The following TRPM5 variants were observed in gnomAD, a reference collection of about 807,000 sequenced individuals.
The protein encoded by TRPM5 is transient receptor potential cation channel subfamily M member 5, also known as MLSN1 and TRP-related.
In TRPM5, 121 loss-of-function variants were observed where a neutral mutation model predicts 124.9. The observed-to-expected ratio is 0.97, with a 90% confidence interval of 0.84 to 1.13. The LOEUF (loss-of-function observed/expected upper bound fraction) is 1.13, where lower values mean the gene tolerates loss of function less well. Ranked by LOEUF, TRPM5 falls within the 50% of genes most tolerant of loss-of-function variation. The pLI is 0.00. For synonymous variants in TRPM5, 781 were observed against 700.5 expected (o/e 1.11, Z -1.81); for missense variants, 1,643 against 1,589.1 (o/e 1.03, Z -0.58).
intron 18 of TRPM5, 38 bp from the exon 24 acceptor site, chr11:2,407,950 C>T: frequency 6.2e-7 from 1 of 1,605,306 alleles, no homozygotes; most frequent in South Asian, 1.1e-5. Context: ...AGACCGGGGG[C>T]AGCCACAAGG....
exon 15 of TRPM5, chr11:2,412,886 C>A: frequency 1.3e-6 from 2 of 1,597,502 alleles, no homozygotes; most frequent in Non-Finnish European, 1.7e-6. Context: ...AGGCGAAGTA[C>A]ATGACCACGT....
At chr11:2,408,970 A>G (rs1850384713) in intron 18 of TRPM5, among the ~76,000 whole-genome samples, 1 of 152,112 alleles carries the variant, frequency 6.6e-6, no homozygotes, top group Admixed American at 6.5e-5. Flanking sequence ...ATTCAAGTGT[A>G]TCTTAGTGCC....
intron 4 of TRPM5, among the ~76,000 whole-genome samples, chr11:2,419,330 G>A (rs11607369): frequency 0.28 from 42,067 of 152,000 alleles, 6,046 homozygotes; most frequent in Middle Eastern, 0.42. Context: ...TCAGTTGACC[G>A]GGCACAGTGG....
the TRPM5 span, among the ~76,000 whole-genome samples, chr11:2,443,826 C>A: frequency 1.5e-4 from 23 of 149,002 alleles, no homozygotes; most frequent in South Asian, 1.3e-3. The surrounding 1 kb of genome is among the most constrained non-coding windows in gnomAD (Gnocchi z 5.0). Context: ...GCCCCCCACC[C>A]CCCCCCCAAG....
At chr11:2,425,692 G>GGTGT (rs1261668784), upstream of TRPM5, among the ~76,000 whole-genome samples, 8 of 145,328 alleles carry the variant, frequency 5.5e-5, no homozygotes, top group Admixed American at 2.1e-4. Flanking sequence ...TGCCACACCT[G>GGTGT]GTCACCCGCT....
At chr11:2,423,206 C>T (rs1198543425), upstream of TRPM5, among the ~76,000 whole-genome samples, 24 of 152,164 alleles carry the variant, frequency 1.6e-4, no homozygotes, top group Non-Finnish European at 2.9e-5. Flanking sequence ...CCCCAGGGAC[C>T]TTCTCTCCAG....
chr11:2,415,272 A>G lies in TRPM5; in HGVS notation c.1328T>C (p.Leu443Pro). ...GGCCTGCTGGGTGCCCAGGCCGGCC[A>G]GCGTCAGCCGGGCCTCCTCCTGCTT... Residue 443 changes from leucine to proline, a missense_variant, in exon 9 of 24, where the codon CTG (leucine) becomes CCG (proline). By Grantham distance (98) the Leu-to-Pro change is moderately conservative (BLOSUM62 -3). Transcript: ENST00000155858. 7 of 1,573,234 alleles carry G rather than the reference A, an allele frequency of 4.4e-6. No individual in the cohort carries two copies. Among genetic ancestry groups the G allele is most frequent in the African/African-American group, 1.3e-5 (1 of 74,380 alleles).
intron 21 of TRPM5, 33 bp from the exon 27 acceptor site, chr11:2,406,124 G>A: frequency 3.7e-6 from 6 of 1,608,086 alleles, no homozygotes; most frequent in Non-Finnish European, 5.1e-6. Flanking sequence ...GGCTGTGGAT[G>A]GCCACGCGGT....
At chr11:2,414,015 C>CCCCCCCCCCCCCGG in intron 12 of TRPM5, 46 bp downstream of exon 17, 1 of 752,952 alleles carries the variant, frequency 1.3e-6, no homozygotes, top group Non-Finnish European at 2.1e-6. Context: ...GCTCGCCCGC[C>CCCCCCCCCCCCCGG]CACCCCACCC....
Position 2,405,659 on chromosome 11 carries a change from T to C in TRPM5, c.3325-66A>G, listed in dbSNP as rs1471219424. The C allele has an allele frequency of 1.1e-5, 17 of 1,490,074 alleles. 1 individual carries two copies. The highest frequency in any genetic ancestry group is 1.5e-5 in the Non-Finnish European group (16 of 1,093,770). The allele number at this position is 1,490,074 out of a possible 1,614,324, so 92.3% of individuals were successfully genotyped here. A position where few individuals can be genotyped will look rare whatever the true frequency, so the allele number is the denominator to read the frequency against. The stretch of plus-strand genomic sequence containing the variant: ...TCAGGACAGCAGGGGACAGGCAGCC[T>C]CCCCATCTCCCCTCTCCTGCCAGGG... On this transcript the variant is annotated intron_variant, in intron 22 of 23. Transcript: ENST00000155858.
At chr11:2,431,294 T>G in the TRPM5 span, among the ~76,000 whole-genome samples, 1 of 152,112 alleles carries the variant, frequency 6.6e-6, no homozygotes, top group African/African-American at 2.4e-5. Context: ...GCGAGGGGCC[T>G]ATCTTGGGGG....
intron 4 of TRPM5, among the ~76,000 whole-genome samples, chr11:2,419,382 C>A (rs530111021): frequency 6.7e-6 from 1 of 150,314 alleles, no homozygotes; most frequent in South Asian, 2.1e-4. Flanking sequence ...CCAAAGCAGG[C>A]AGATCACCTG....
chr11:2,428,761 GTGA>G, the TRPM5 span, among the ~76,000 whole-genome samples: 155 of 151,976 alleles, frequency 1.0e-3, no homozygotes, highest in African/African-American at 3.2e-3. The surrounding 1 kb of genome is among the most constrained non-coding windows in gnomAD (Gnocchi z 4.0). Context: ...GATAAAGGTG[GTGA>G]TGATGATGAT....
chr11:2,406,722 T>C, exon 21 of TRPM5: 2 of 1,613,586 alleles, frequency 1.2e-6, no homozygotes, highest in South Asian at 1.1e-5. Context: ...TCCATCTTGC[T>C]CAGGAAGTTC....
At chr11:2,422,346 G>C (rs775863045) in intron 1 of TRPM5, 25 bp from the exon 7 acceptor site, 18 of 1,595,352 alleles carry the variant, frequency 1.1e-5, no homozygotes, top group Non-Finnish European at 1.5e-5. Context: ...TGCAGCTCAG[G>C]GCTTTCGGGG....
intron 4 of TRPM5, 95 bp downstream of exon 9, chr11:2,420,127 C>G (rs912619891): frequency 4.3e-5 from 62 of 1,426,484 alleles, no homozygotes; most frequent in Non-Finnish European, 5.3e-5. Flanking sequence ...AGCCCTCCCC[C>G]TTCTCCCTGG....
intron 7 of TRPM5, among the ~76,000 whole-genome samples, chr11:2,416,892 C>A (rs75730568): frequency 1.3e-5 from 2 of 152,168 alleles, no homozygotes; most frequent in African/African-American, 4.8e-5. Flanking sequence ...CAGGCTGGAA[C>A]CTGACTCCGC....
chr11:2,418,419 G>C (rs755290213), intron 5 of TRPM5, 61 bp from the exon 11 acceptor site: 10 of 1,510,138 alleles, frequency 6.6e-6, no homozygotes, highest in Non-Finnish European at 8.9e-6. Context: ...CTGGATGCAG[G>C]TGTCAGGGGT....
At chr11:2,417,206 C>A (rs1274635274) in intron 7 of TRPM5, among the ~76,000 whole-genome samples, 1 of 152,210 alleles carries the variant, frequency 6.6e-6, no homozygotes, top group Non-Finnish European at 1.5e-5. Flanking sequence ...AACCTCAGCA[C>A]TTTGGGAGGC....
Sources: allele counts gnomAD v4.1 joint callset (sites outside exome capture counted in the v4.1 genomes callset), GRCh38; gene constraint gnomAD v4.1.1; non-coding constraint Gnocchi (gnomAD v3.1); transcripts MANE v1.5; gene names NCBI Gene and HGNC (gene_info 2026-07-23, HGNC 2026-07-21).